KIAA1671: variants seen among roughly 807,000 people sequenced by gnomAD.
KIAA1671 encodes KIAA1671, also known as uncharacterized protein KIAA1671.
Under a neutral mutation model 131.2 loss-of-function variants are expected in KIAA1671, and 52 were observed. The ratio of observed to expected loss-of-function variants is 0.40; its 90% CI spans 0.32 to 0.50. KIAA1671 has a LOEUF of 0.50. KIAA1671 is among the 20% of genes least tolerant of loss of function. The pLI is 0.73. For missense variants in KIAA1671, 2,360 were observed against 2,364.2 expected (o/e 1.00, Z 0.04); for synonymous variants, 1,003 against 961.6 (o/e 1.04, Z -0.80).
chr22:25,101,090 G>A (rs1302199130), intron 6 of KIAA1671, among the ~76,000 whole-genome samples: 1 of 152,164 alleles, frequency 6.6e-6, no homozygotes, highest in Non-Finnish European at 1.5e-5. Context: ...CCAACAGTAT[G>A]GAACTTCAGT....
intron 6 of KIAA1671, among the ~76,000 whole-genome samples, chr22:25,142,610 G>T (rs371476852): frequency 2.0e-5 from 3 of 152,172 alleles, no homozygotes; most frequent in Admixed American, 6.5e-5. Context: ...GGTGGCTCAC[G>T]CCTGGAAACC....
chr22:25,170,053 A>G (rs2146011364), intron 6 of KIAA1671, among the ~76,000 whole-genome samples: 1 of 152,256 alleles, frequency 6.6e-6, no homozygotes, highest in South Asian at 2.1e-4. Context: ...AGCTGGAACT[A>G]TAGGCGCCTG....
Position 25,041,472 on chromosome 22 carries a change from G to A in KIAA1671, c.4342G>A (p.Glu1448Lys). The A allele has an allele frequency of 1.3e-6, 2 of 1,551,464 alleles. No individual in the cohort carries two copies. Among genetic ancestry groups the A allele is most frequent in the Admixed American group, 3.9e-5 (2 of 50,914 alleles). Residue 1448 changes from glutamate to lysine, a missense_variant, in exon 5 of 13, where the codon GAG (glutamate) becomes AAG (lysine). By Grantham distance (56) the Glu-to-Lys change is moderately conservative. Transcript: ENST00000358431. ...GCCCAGCCTTACTGGAGAGAATTTG[G>A]AGGCCAAAATGGGACCCTGTTGGTG... ...GRPSLTGENLEAKMGPCWWES... is the reference protein window; with the variant it reads ...GRPSLTGENLKAKMGPCWWES...
At chr22:25,084,184 C>G (rs1929567113) in intron 6 of KIAA1671, among the ~76,000 whole-genome samples, 2 of 152,146 alleles carry the variant, frequency 1.3e-5, no homozygotes, top group Admixed American at 1.3e-4. Flanking sequence ...GCCAGTGGCT[C>G]CTGTGTGTAT....
chr22:25,158,871 A>G (rs144333458), intron 6 of KIAA1671, among the ~76,000 whole-genome samples: 79 of 152,342 alleles, frequency 5.2e-4, no homozygotes, highest in African/African-American at 1.8e-3. Context: ...TCAGAACTTC[A>G]GCTCACTTAT....
rs1313586832 is a variant in KIAA1671, at chr22:25,083,698, A to C, written c.4530+34334A>C. Among the ~76,000 whole-genome samples the C allele has an allele frequency of 2.6e-5, 4 of 152,210 alleles. No individual in the cohort carries two copies. The East Asian group carries it at 7.7e-4, about 29-fold the overall frequency. ...CTTTAATTTGACCTTAATCCTAGGG[A>C]TACCTTTTCCACATTCTATTGAATT... On this transcript the variant is annotated intron_variant, in intron 6 of 12. Transcript: ENST00000358431.
intron 6 of KIAA1671, among the ~76,000 whole-genome samples, chr22:25,107,288 G>T (rs1381821612): frequency 6.6e-6 from 1 of 151,448 alleles, no homozygotes; most frequent in Non-Finnish European, 1.5e-5. Flanking sequence ...GTGGTGGCAG[G>T]CACCTGTAGT....
At chr22:25,047,574 GC>G (rs1335860683) in intron 5 of KIAA1671, among the ~76,000 whole-genome samples, 1 of 150,490 alleles carries the variant, frequency 6.6e-6, no homozygotes, top group East Asian at 2.0e-4. Context: ...CTGGGTTCAA[GC>G]AATTCTCCTG....
chr22:24,980,515 C>T (rs1923173304), intron 1 of KIAA1671, among the ~76,000 whole-genome samples: 1 of 151,888 alleles, frequency 6.6e-6, no homozygotes, highest in African/African-American at 2.4e-5. Context: ...CCTGATCCAC[C>T]CGCCTTGGCC....
At position 25,040,564 on chromosome 22, in the gene KIAA1671, A is replaced by G. The variant is rs1428175715; in HGVS notation, c.3434A>G (p.Asn1145Ser). The G allele has an allele frequency of 6.4e-6, 10 of 1,551,604 alleles. No individual in the cohort carries two copies. The highest frequency in any genetic ancestry group is 8.7e-6 in the Non-Finnish European group (10 of 1,147,008). ...GSEDGPRPQSNWKESANKMSP... is the reference protein window; with the variant it reads ...GSEDGPRPQSSWKESANKMSP... The stretch of plus-strand genomic sequence containing the variant: ...GAAGATGGCCCTCGTCCTCAAAGCA[A>G]TTGGAAGGAAAGTGCGAACAAGATG... The change falls in exon 5 of 13, where the codon AAT (asparagine) becomes AGT (serine). Residue 1145 changes from asparagine (N) to serine (S), a missense_variant. Coordinates refer to ENST00000358431, the MANE Select transcript of KIAA1671 (RefSeq NM_001145206.2).
At chr22:24,976,753 C>G (rs1922937035) in intron 1 of KIAA1671, among the ~76,000 whole-genome samples, 1 of 152,138 alleles carries the variant, frequency 6.6e-6, no homozygotes, top group African/African-American at 2.4e-5. Context: ...CTGGCTGGGC[C>G]TGAGACTGCA....
intron 1 of KIAA1671, among the ~76,000 whole-genome samples, chr22:24,995,676 TTAA>T (rs1306828623): frequency 6.6e-6 from 1 of 152,220 alleles, no homozygotes; most frequent in African/African-American, 2.4e-5. Flanking sequence ...CTTTCAATGA[TTAA>T]TAATAATACG....
chr22:24,997,169 G>A (rs1192530870), intron 1 of KIAA1671, among the ~76,000 whole-genome samples: 1 of 152,210 alleles, frequency 6.6e-6, no homozygotes, highest in East Asian at 1.9e-4. Flanking sequence ...AGGAAGCAAG[G>A]CAGACGAGTA....
chr22:25,195,247 C>T lies in KIAA1671; in HGVS notation c.*2846C>T, dbSNP rs1042632392. The T allele has an allele frequency of 6.6e-6, 1 of 152,214 alleles. No homozygotes were observed. The highest frequency in any genetic ancestry group is 1.5e-5 in the Non-Finnish European group (1 of 68,042). The allele number at this position is 152,214 out of a possible 1,614,324, so 9.4% of individuals were successfully genotyped here. ...TTTAACAGCTGATCTTTTGAGAAGC[C>T]TGTATCTTTTTCCTCTTCAGTAGAT... is the stretch of plus-strand genomic sequence containing the variant. On this transcript the variant is annotated 3_prime_UTR_variant, in exon 13 of 13. Transcript: ENST00000358431.
intron 6 of KIAA1671, chr22:25,057,517 A>G (rs1927915472): frequency 6.9e-6 from 1 of 145,090 alleles, no homozygotes; most frequent in South Asian, 2.2e-4. Context: ...TTGGAAGGAG[A>G]CCCAGGAGAG....
chr22:25,165,708 C>T (rs1200954459), intron 6 of KIAA1671, among the ~76,000 whole-genome samples: 1 of 152,220 alleles, frequency 6.6e-6, no homozygotes, highest in African/African-American at 2.4e-5. Context: ...CTGGGGCCTC[C>T]TGAGCCAGCC....
chr22:25,126,461 C>T (rs1022413783), intron 6 of KIAA1671, among the ~76,000 whole-genome samples: 12 of 152,146 alleles, frequency 7.9e-5, no homozygotes, highest in East Asian at 7.7e-4. Flanking sequence ...ATTTGAAGAG[C>T]GTACAAAGGT....
At chr22:25,128,416 A>C (rs1932280699) in intron 6 of KIAA1671, among the ~76,000 whole-genome samples, 1 of 152,250 alleles carries the variant, frequency 6.6e-6, no homozygotes, top group Non-Finnish European at 1.5e-5. Context: ...ATGAGGGCCC[A>C]GCAGAGCTGT....
chr22:24,998,167 G>A (rs533690352), intron 1 of KIAA1671, among the ~76,000 whole-genome samples: 1 of 152,296 alleles, frequency 6.6e-6, no homozygotes, highest in Non-Finnish European at 1.5e-5. Flanking sequence ...TTGTGGGGCT[G>A]AGGCTGAAGG....
Sources: allele counts gnomAD v4.1 joint callset (sites outside exome capture counted in the v4.1 genomes callset), GRCh38; gene constraint gnomAD v4.1.1; transcripts MANE v1.5; gene names NCBI Gene and HGNC (gene_info 2026-07-23, HGNC 2026-07-21).